JRK: variants seen among roughly 807,000 people sequenced by gnomAD.
JRK encodes jerky protein homolog.
For missense variants in JRK, 720 were observed against 509.2 expected, an observed-to-expected ratio of 1.41 and a Z score of -3.98; for synonymous variants, 303 against 218.1, an observed-to-expected ratio of 1.39 and a Z score of -3.43.
downstream of JRK, among the ~76,000 whole-genome samples, chr8:142,654,158 G>C (rs1399681965): frequency 3.9e-5 from 6 of 152,134 alleles, no homozygotes; most frequent in East Asian, 1.2e-3. Flanking sequence ...AGGAGCAGCA[G>C]GAAGGACACT....
the JRK span, among the ~76,000 whole-genome samples, chr8:142,649,472 A>G: frequency 1.3e-5 from 2 of 152,184 alleles, no homozygotes; most frequent in Admixed American, 1.3e-4. Flanking sequence ...TGCACATGTT[A>G]TCTTTCTCTT....
chr8:142,662,748 T>C lies in JRK; in HGVS notation c.*1604A>G, dbSNP rs1453010614. 2.6e-5 allele frequency: 26 copies of C among 985,344 alleles called. No individual in the cohort carries two copies. The highest frequency in any genetic ancestry group is 3.1e-5 in the Non-Finnish European group (26 of 829,946). The allele number at this position is 985,344 out of a possible 1,614,324, so 61.0% of individuals were successfully genotyped here. A position where few individuals can be genotyped will look rare whatever the true frequency, so the allele number is the denominator to read the frequency against. ...TCCTCTCCTTCATGAGAACAGAGGTTTCAGTGGAATCAACAGCAGACGCTG... is the reference window on the plus strand; with the variant it reads ...TCCTCTCCTTCATGAGAACAGAGGTCTCAGTGGAATCAACAGCAGACGCTG... On this transcript the variant is annotated 3_prime_UTR_variant, in exon 2 of 2. Coordinates refer to ENST00000612905, the MANE Select transcript of JRK (RefSeq NM_003724.4).
rs1846959093 is a variant in JRK, at chr8:142,662,804, T to C, written c.*1548A>G. The C allele has an allele frequency of 4.1e-6, 4 of 985,386 alleles. No individual in the cohort carries two copies. Among genetic ancestry groups the C allele is most frequent in the Non-Finnish European group, 3.6e-6 (3 of 829,888 alleles). 61.0% of individuals were successfully genotyped at this position (985,386 alleles called of 1,614,324 possible). A position where few individuals can be genotyped will look rare whatever the true frequency, so the allele number is the denominator to read the frequency against. ...CAAACTACGTGCTGACTCGGCCAAA[T>C]GATATGAATTTAAGAGAGGAAAAGA... is the stretch of plus-strand genomic sequence containing the variant. On this transcript the variant is annotated 3_prime_UTR_variant, in exon 2 of 2. Coordinates refer to ENST00000612905, the MANE Select transcript of JRK (RefSeq NM_003724.4).
In JRK at chr8:142,659,540, C is replaced by T. The variant is rs587759018; in HGVS notation, c.*4812G>A. The T allele has an allele frequency of 1.0e-6, 1 of 985,766 alleles. No individual in the cohort carries two copies. Among genetic ancestry groups the T allele is most frequent in the South Asian group, 4.7e-5 (1 of 21,294 alleles). 61.1% of individuals were successfully genotyped at this position (985,766 alleles called of 1,614,324 possible). On this transcript the variant is annotated 3_prime_UTR_variant, in exon 2 of 2. Transcript: ENST00000612905. ...GGCCAGTGGGCCTCCCACAATCTGC[C>T]CCTGGGTGCAGGGCCTTGAGCAGGG...
At position 142,658,530 on chromosome 8, in the gene JRK, G is replaced by T. The variant is rs1846811422; in HGVS notation, c.*5822C>A. On this transcript the variant is annotated 3_prime_UTR_variant, in exon 2 of 2. Transcript: ENST00000612905. ...CACTGCACCCAGCTTGAAGATGGCA[G>T]TTTTCTTGTATGCTCACACAGCACA... 1 of 217,148 alleles carries T rather than the reference G, an allele frequency of 4.6e-6. No homozygotes were observed. The highest frequency in any genetic ancestry group is 9.3e-6 in the Non-Finnish European group (1 of 107,762). The allele number at this position is 217,148 out of a possible 1,614,324, so 13.5% of individuals were successfully genotyped here.
chr8:142,667,370 G>A (rs895251774), intron 1 of JRK, among the ~76,000 whole-genome samples: 1 of 151,822 alleles, frequency 6.6e-6, no homozygotes, highest in Non-Finnish European at 1.5e-5. Flanking sequence ...AGTGCTGCCC[G>A]CCCACCTGGC....
chr8:142,654,376 T>C (rs1846713606), downstream of JRK, among the ~76,000 whole-genome samples: 1 of 152,062 alleles, frequency 6.6e-6, no homozygotes, highest in Non-Finnish European at 1.5e-5. Flanking sequence ...CCCTCCCTGC[T>C]GATGTCTTCC....
At position 142,659,239 on chromosome 8, in the gene JRK, G is replaced by A; in HGVS notation, c.*5113C>T. On this transcript the variant is annotated 3_prime_UTR_variant, in exon 2 of 2. Coordinates refer to ENST00000612905, the MANE Select transcript of JRK (RefSeq NM_003724.4). ...ATAGGGAACCCAAGACCTCGAGAGA[G>A]GAAATGGGCCCAGGGACATGCCTTG... 1 of 1,115,158 alleles carries A rather than the reference G, an allele frequency of 9.0e-7. No homozygotes were observed. 69.1% of individuals were successfully genotyped at this position (1,115,158 alleles called of 1,614,324 possible).
At position 142,663,281 on chromosome 8, in the gene JRK, A is replaced by G. The variant is rs1255758085; in HGVS notation, c.*1071T>C. On this transcript the variant is annotated 3_prime_UTR_variant, in exon 2 of 2. Transcript: ENST00000612905. The stretch of plus-strand genomic sequence containing the variant: ...TTGCCCGTGAAATGGAGATGCCGCA[A>G]AGCAACTACAGACATGGAGAAAATA... The G allele has an allele frequency of 1.0e-6, 1 of 985,454 alleles. No homozygotes were observed. The highest frequency in any genetic ancestry group is 6.1e-5 in the Admixed American group (1 of 16,290). 61.0% of individuals were successfully genotyped at this position (985,454 alleles called of 1,614,324 possible).
At chr8:142,647,141 G>A in the JRK span, among the ~76,000 whole-genome samples, 2 of 152,134 alleles carry the variant, frequency 1.3e-5, no homozygotes, top group African/African-American at 4.8e-5. Context: ...TTTGTTTAAA[G>A]ATTACCTACG....
At position 142,665,630 on chromosome 8, in the gene JRK, G is replaced by C. The variant is rs587758802; in HGVS notation, c.429C>G (p.His143Gln). 1.4e-6 allele frequency: 1 copy of C among 718,518 alleles called. No homozygotes were observed. Among genetic ancestry groups the C allele is most frequent in the Admixed American group, 2.0e-5 (1 of 50,038 alleles). 44.5% of individuals were successfully genotyped at this position (718,518 alleles called of 1,614,324 possible). A position where few individuals can be genotyped will look rare whatever the true frequency, so the allele number is the denominator to read the frequency against. ...TGGATGCATCTAGCTTTTTAATGCC[G>C]TGTCTGGCCTTAAAGCGCCAAAGCC... ...GGWLWRFKARHGIKKLDASSE... is the reference protein window; with the variant it reads ...GGWLWRFKARQGIKKLDASSE... The change falls in exon 2 of 2, where the codon CAC (histidine) becomes CAG (glutamine). Residue 143 changes from histidine to glutamine, a missense_variant. His to Gln is a conservative substitution (Grantham distance 24). Coordinates refer to ENST00000612905, the MANE Select transcript of JRK (RefSeq NM_003724.4).
rs1285711298 is a variant in JRK, at chr8:142,661,239, C to G, written c.*3113G>C. On this transcript the variant is annotated 3_prime_UTR_variant, in exon 2 of 2. Transcript: ENST00000612905. ...TCGCAGAAGGCCAGGCTGGCACAGG[C>G]AGGACAGGTGTTCTGTAAACCAACC... 9.1e-6 allele frequency: 9 copies of G among 985,460 alleles called. No individual in the cohort carries two copies. Among genetic ancestry groups the G allele is most frequent in the Non-Finnish European group, 8.4e-6 (7 of 830,078 alleles). The allele number at this position is 985,460 out of a possible 1,614,324, so 61.0% of individuals were successfully genotyped here. A position where few individuals can be genotyped will look rare whatever the true frequency, so the allele number is the denominator to read the frequency against.
chr8:142,659,682 A>T lies in JRK; in HGVS notation c.*4670T>A. 1.0e-6 allele frequency: 1 copy of T among 985,558 alleles called. No individual in the cohort carries two copies. Among genetic ancestry groups the T allele is most frequent in the Non-Finnish European group, 1.2e-6 (1 of 830,006 alleles). The allele number at this position is 985,558 out of a possible 1,614,324, so 61.1% of individuals were successfully genotyped here. ...AAGGCCTCAAACAAGAGTGGCCCCT[A>T]AAACAGTTGGTAAAGGAGTGTTTTC... is the stretch of plus-strand genomic sequence containing the variant. On this transcript the variant is annotated 3_prime_UTR_variant, in exon 2 of 2. Transcript: ENST00000612905.
At chr8:142,656,267 G>A (rs1237330887), downstream of JRK, among the ~76,000 whole-genome samples, 4 of 152,204 alleles carry the variant, frequency 2.6e-5, no homozygotes, top group African/African-American at 9.7e-5. Context: ...TTAGTGACCA[G>A]CTAGACTATT....
chr8:142,645,977 TCA>T, the JRK span, among the ~76,000 whole-genome samples: 1 of 146,038 alleles, frequency 6.8e-6, no homozygotes, highest in East Asian at 2.0e-4. Context: ...CAAAAATTGC[TCA>T]CCTTTTTTTA....
chr8:142,669,702 G>C (rs587744004), intron 1 of JRK, among the ~76,000 whole-genome samples: 1 of 151,148 alleles, frequency 6.6e-6, no homozygotes, highest in African/African-American at 2.4e-5. Context: ...GGGGTCGCGC[G>C]GGAAGCACAG....
chr8:142,651,476 G>A, the JRK span, among the ~76,000 whole-genome samples: 1 of 150,418 alleles, frequency 6.6e-6, no homozygotes, highest in Non-Finnish European at 1.5e-5. Flanking sequence ...GTTTGGCCTG[G>A]CTAGCAAAAA....
In JRK at chr8:142,665,008, G is replaced by A; in HGVS notation, c.1051C>T (p.Gln351Ter). The A allele has an allele frequency of 1.4e-6, 1 of 717,028 alleles. No individual in the cohort carries two copies. The highest frequency in any genetic ancestry group is 2.6e-6 in the Non-Finnish European group (1 of 384,470). The allele number at this position is 717,028 out of a possible 1,614,324, so 44.4% of individuals were successfully genotyped here. The change falls in exon 2 of 2, where the codon CAG becomes TAG. Residue 351 changes from glutamine to a stop codon, truncating the protein, a stop_gained. Transcript: ENST00000612905. LOFTEE classifies it low-confidence loss of function (END_TRUNC). ...ATGTTGTAGCGGGCGTGGGGGCCCT[G>A]CAGGGGGACCGGAGGGTTAATGAAG... The part of the protein sequence containing the change: ...RNFINPPVPL[Q>*]GPHARYNMND...
At chr8:142,652,767 C>A (rs1554633299), downstream of JRK, among the ~76,000 whole-genome samples, 1 of 151,920 alleles carries the variant, frequency 6.6e-6, no homozygotes, top group Non-Finnish European at 1.5e-5. Flanking sequence ...ATTTACAGAA[C>A]AAGAAAAAAG....
Sources: gnomAD v4.1 joint callset for allele counts (sites outside exome capture counted in the v4.1 genomes callset) on GRCh38, gnomAD v4.1.1 for gene constraint, MANE v1.5 for transcripts, NCBI Gene and HGNC (gene_info 2026-07-23, HGNC 2026-07-21) for gene names.